PLEKHM3: variants seen among roughly 807,000 people sequenced by gnomAD.
PLEKHM3 encodes the protein pleckstrin homology domain containing M3.
PLEKHM3 carries 45 observed loss-of-function variants against 81.8 expected under a neutral mutation model. The observed-to-expected ratio is 0.55, with a 90% CI of 0.43 to 0.71. The LOEUF is 0.71. Ranked by LOEUF, PLEKHM3 falls within the 30% of genes least tolerant of loss-of-function variation. The pLI is 0.00. For missense variants in PLEKHM3, 788 were observed against 924.3 expected, an observed-to-expected ratio of 0.85 and a Z score of 1.91; for synonymous variants, 352 against 356.4, an observed-to-expected ratio of 0.99 and a Z score of 0.14.
rs1255010481 is a variant in PLEKHM3 at position 207,821,462 on chromosome 2, T to C, written c.*6857A>G. ...TTTTAAAATAATGTAAACAAAAATA[T>C]AGATAAGTTATGCCAAAACAAAAGG... On this transcript the variant is annotated 3_prime_UTR_variant, in exon 8 of 8. Transcript: ENST00000427836. 2 of 152,104 alleles carry C rather than the reference T, an allele frequency of 1.3e-5. No homozygotes were observed. The highest frequency in any genetic ancestry group is 2.1e-4 in the South Asian group (1 of 4,832). The allele number at this position is 152,104 out of a possible 1,614,324, so 9.4% of individuals were successfully genotyped here. A position where few individuals can be genotyped will look rare whatever the true frequency, so the allele number is the denominator to read the frequency against.
chr2:207,834,133 T>TC (rs2092304092), intron 7 of PLEKHM3, among the ~76,000 whole-genome samples: 1 of 150,516 alleles, frequency 6.6e-6, no homozygotes, highest in African/African-American at 2.4e-5. Flanking sequence ...TCTCTTTCTT[T>TC]TTTTTTTTTT....
chr2:207,833,788 G>C (rs1055425990), intron 7 of PLEKHM3, among the ~76,000 whole-genome samples: 8 of 152,172 alleles, frequency 5.3e-5, no homozygotes, highest in African/African-American at 1.9e-4. Flanking sequence ...ATGCATCACA[G>C]AGGGAGTACC....
At chr2:207,956,928 T>C (rs1301583066) in intron 3 of PLEKHM3, among the ~76,000 whole-genome samples, 2 of 151,900 alleles carry the variant, frequency 1.3e-5, no homozygotes, top group Non-Finnish European at 2.9e-5. Flanking sequence ...AGGGAACTAG[T>C]TGATAAGTTA....
rs61384566 is a variant in PLEKHM3 at position 207,880,762 on chromosome 2, CAAAAAAAAAAA to C, written c.1951-19511_1951-19501del. ...TGGGAGACACAGCGAGACTCTGTCT[CAAAAAAAAAAA>C]AAAAAAAAAAAAAAACCAAAAAAAC... is the stretch of plus-strand genomic sequence containing the variant. On this transcript the variant is annotated intron_variant, in intron 6 of 7. Transcript: ENST00000427836. Among the ~76,000 whole-genome samples, 13 of 6,968 alleles carry C rather than the reference CAAAAAAAAAAA, an allele frequency of 1.9e-3. 1 individual carries two copies. The highest frequency in any genetic ancestry group is 0.036 in the South Asian group (1 of 28). 4.6% of individuals were successfully genotyped at this position (6,968 alleles called of 152,430 possible).
chr2:207,833,081 C>A (rs557731944), intron 7 of PLEKHM3, among the ~76,000 whole-genome samples: 1 of 145,568 alleles, frequency 6.9e-6, no homozygotes, highest in African/African-American at 2.6e-5. Context: ...CATTGCACTC[C>A]AGCCTGGGTG....
At chr2:207,924,069 C>T (rs1208908392) in intron 5 of PLEKHM3, among the ~76,000 whole-genome samples, 2 of 150,676 alleles carry the variant, frequency 1.3e-5, no homozygotes, top group Non-Finnish European at 3.0e-5. Flanking sequence ...CCATGCCCTG[C>T]TAATTTTTGT....
intron 2 of PLEKHM3, among the ~76,000 whole-genome samples, chr2:207,984,337 A>G (rs1691642389): frequency 1.3e-5 from 2 of 152,192 alleles, no homozygotes; most frequent in Admixed American, 1.3e-4. Flanking sequence ...AACAAAATTA[A>G]TAATTCCTTA....
chr2:207,912,436 C>T (rs995755603), intron 5 of PLEKHM3, among the ~76,000 whole-genome samples: 2 of 152,134 alleles, frequency 1.3e-5, no homozygotes, highest in African/African-American at 2.4e-5. Context: ...TGAGGTCAGT[C>T]ATAACAGACA....
intron 5 of PLEKHM3, among the ~76,000 whole-genome samples, chr2:207,927,979 T>A (rs1689458616): frequency 6.6e-6 from 1 of 152,182 alleles, no homozygotes; most frequent in Admixed American, 6.5e-5. Flanking sequence ...AATTACATTT[T>A]AATTAAATTT....
Position 207,834,497 on chromosome 2 carries a change from C to T in PLEKHM3, c.2109-6001G>A, listed in dbSNP as rs1365295320. ...CTGGAGTACAATGGCGCAATCTCGG[C>T]TCACCGCAACCTCCACCTCCTGGGT... On this transcript the variant is annotated intron_variant, in intron 7 of 7. Coordinates refer to ENST00000427836, the MANE Select transcript of PLEKHM3 (RefSeq NM_001080475.3). 6.7e-5 allele frequency among the ~76,000 whole-genome samples: 10 copies of T among 150,056 alleles called. No individual in the cohort carries two copies. The East Asian group carries it at 2.0e-3, about 29-fold the overall frequency.
intron 2 of PLEKHM3, among the ~76,000 whole-genome samples, chr2:207,999,305 G>A (rs1255664769): frequency 6.6e-6 from 1 of 151,082 alleles, no homozygotes; most frequent in East Asian, 2.0e-4. Flanking sequence ...CAGTCATCAA[G>A]TCCTGTGCTT....
Position 207,822,021 on chromosome 2 carries a change from C to T in PLEKHM3, c.*6298G>A, listed in dbSNP as rs2092220775. Reference sequence around the variant, plus strand: ...TGTTTGTTTTTTGAGATGGGTCTCACCATATTGCACAGGCTCCTGGGCTCA... The same window carrying T: ...TGTTTGTTTTTTGAGATGGGTCTCATCATATTGCACAGGCTCCTGGGCTCA... On this transcript the variant is annotated 3_prime_UTR_variant, in exon 8 of 8. Transcript: ENST00000427836. The T allele has an allele frequency of 6.6e-6, 1 of 152,078 alleles. No homozygotes were observed. The allele number at this position is 152,078 out of a possible 1,614,324, so 9.4% of individuals were successfully genotyped here.
chr2:207,977,031 A>T lies in PLEKHM3; in HGVS notation c.1166T>A (p.Leu389His). 1 of 1,614,256 alleles carries T rather than the reference A, an allele frequency of 6.2e-7. No individual in the cohort carries two copies. The change falls in exon 3 of 8, where the codon CTT becomes CAT. Residue 389 changes from leucine to histidine, a missense_variant. By Grantham distance (99) the Leu-to-His change is moderately conservative. Coordinates refer to ENST00000427836, the MANE Select transcript of PLEKHM3 (RefSeq NM_001080475.3). The part of the protein sequence containing the change: ...AFTFVLSRAY[L>H]MAFQPGKLDE... Reference sequence around the variant, plus strand: ...TAGCTTGCCAGGCTGAAAAGCCATAAGGTAAGCCCTGCTCAGCACAAATGT... The same window carrying T: ...TAGCTTGCCAGGCTGAAAAGCCATATGGTAAGCCCTGCTCAGCACAAATGT...
intron 6 of PLEKHM3, among the ~76,000 whole-genome samples, chr2:207,881,648 T>A (rs953954980): frequency 2.6e-5 from 4 of 152,210 alleles, no homozygotes; most frequent in African/African-American, 7.2e-5. Context: ...AAAATGGGAA[T>A]TGGGGCCAAG....
At chr2:207,837,123 T>G (rs527438579) in intron 7 of PLEKHM3, among the ~76,000 whole-genome samples, 1 of 152,258 alleles carries the variant, frequency 6.6e-6, no homozygotes, top group Non-Finnish European at 1.5e-5. Flanking sequence ...ATGTTTTGGG[T>G]TGGTGTTTTA....
intron 3 of PLEKHM3, among the ~76,000 whole-genome samples, chr2:207,971,685 G>A (rs779506764): frequency 6.6e-6 from 1 of 152,052 alleles, no homozygotes; most frequent in Non-Finnish European, 1.5e-5. Context: ...ATAGTCATTT[G>A]TTTTAGCATT....
At chr2:207,981,109 CAGAG>C (rs1691508260) in intron 2 of PLEKHM3, among the ~76,000 whole-genome samples, 1 of 132,156 alleles carries the variant, frequency 7.6e-6, no homozygotes, top group African/African-American at 2.9e-5. Flanking sequence ...GCCTGGGCAA[CAGAG>C]AGAGACTCCA....
intron 1 of PLEKHM3, among the ~76,000 whole-genome samples, chr2:208,017,698 A>C (rs1249889530): frequency 6.6e-6 from 1 of 151,962 alleles, no homozygotes; most frequent in Non-Finnish European, 1.5e-5. Context: ...CTCATTGCCC[A>C]TTCATTCTCC....
intron 1 of PLEKHM3, among the ~76,000 whole-genome samples, chr2:208,018,480 C>A (rs1291905653): frequency 6.6e-6 from 1 of 152,072 alleles, no homozygotes. Context: ...ACCTGCCCCT[C>A]CTCCCAACAT....
Sources: gnomAD v4.1 joint callset for allele counts (sites outside exome capture counted in the v4.1 genomes callset) on GRCh38, gnomAD v4.1.1 for gene constraint, MANE v1.5 for transcripts, NCBI Gene and HGNC (gene_info 2026-07-23, HGNC 2026-07-21) for gene names.